Variants in PIK3C2A observed in about 807,000 individuals in gnomAD.
PIK3C2A encodes the protein phosphatidylinositol 4-phosphate 3-kinase C2 domain-containing subunit alpha.
PIK3C2A carries 97 observed loss-of-function variants against 204.5 expected under a neutral mutation model. That is an observed-to-expected ratio of 0.47 (90% CI 0.40 to 0.56). The LOEUF is 0.56. Among genes scored for constraint, PIK3C2A ranks in the 20% least tolerant of loss-of-function variants. The pLI is 0.00. For synonymous variants in PIK3C2A, 653 were observed against 664.4 expected, an observed-to-expected ratio of 0.98 and a Z score of 0.26; for missense variants, 1,735 against 1,969.2, an observed-to-expected ratio of 0.88 and a Z score of 2.25.
Position 17,086,588 on chromosome 11 carries a change from A to G in PIK3C2A, c.*3150T>C, listed in dbSNP as rs1400329588. ...ATAGCAGAGTTCTTTTATTCCAGAA[A>G]TATTTTAATACAATCGTAGTACAGT... On this transcript the variant is annotated 3_prime_UTR_variant, in exon 33 of 33. Coordinates refer to ENST00000691414, the MANE Select transcript of PIK3C2A (RefSeq NM_002645.4). 1 of 152,210 alleles carries G rather than the reference A, an allele frequency of 6.6e-6. No homozygotes were observed. The highest frequency in any genetic ancestry group is 1.5e-5 in the Non-Finnish European group (1 of 68,042). The allele number at this position is 152,210 out of a possible 1,614,324, so 9.4% of individuals were successfully genotyped here. A position where few individuals can be genotyped will look rare whatever the true frequency, so the allele number is the denominator to read the frequency against.
At chr11:17,107,320 A>T (rs1848858092) in intron 22 of PIK3C2A, among the ~76,000 whole-genome samples, 1 of 151,744 alleles carries the variant, frequency 6.6e-6, no homozygotes, top group Admixed American at 6.6e-5. Flanking sequence ...CTCAAAAAAT[A>T]AAAAAAAATA....
At position 17,101,406 on chromosome 11, in the gene PIK3C2A, C is replaced by T. The variant is rs1303833572; in HGVS notation, c.3880G>A (p.Asp1294Asn). Residue 1294 changes from aspartate to asparagine, a missense_variant, in exon 25 of 33, where the codon GAT becomes AAT. Transcript: ENST00000691414. ...CCCCCATTAATGACATATGCCATAT[C>T]AGAGGTCAGCACAAAAGGAGCCCGA... ...RDRAPFVLTSDMAYVINGGEK... is the reference protein window; with the variant it reads ...RDRAPFVLTSNMAYVINGGEK... 1.9e-6 allele frequency: 3 copies of T among 1,570,198 alleles called. No individual in the cohort carries two copies. The Admixed American group carries it at 5.2e-5, about 27-fold the overall frequency.
intron 8 of PIK3C2A, among the ~76,000 whole-genome samples, chr11:17,137,148 T>C (rs777877976): frequency 6.6e-6 from 1 of 152,172 alleles, no homozygotes. Context: ...ACTGTTAGAA[T>C]GGGCTGAAAC....
At chr11:17,100,464 C>T (rs952427981) in intron 25 of PIK3C2A, among the ~76,000 whole-genome samples, 5 of 152,104 alleles carry the variant, frequency 3.3e-5, no homozygotes, top group Non-Finnish European at 7.4e-5. Context: ...TCAAGCAATC[C>T]GCCTGCCTTA....
At position 17,106,820 on chromosome 11, in the gene PIK3C2A, T is replaced by C. The variant is rs555873916; in HGVS notation, c.3545-1515A>G. On this transcript the variant is annotated intron_variant, in intron 22 of 32. Transcript: ENST00000691414. Reference sequence around the variant, plus strand: ...ACATATAAGACACACACTGTCCCACTTCAGCACAAAAAAATTTCTTTAATC... The same window carrying C: ...ACATATAAGACACACACTGTCCCACCTCAGCACAAAAAAATTTCTTTAATC... Among the ~76,000 whole-genome samples, 127 of 152,286 alleles carry C rather than the reference T, an allele frequency of 8.3e-4. 1 individual carries two copies. Among genetic ancestry groups the C allele is most frequent in the African/African-American group, 3.0e-3 (124 of 41,574 alleles).
chr11:17,122,646 C>A, intron 14 of PIK3C2A, 56 bp downstream of exon 14: 2 of 820,358 alleles, frequency 2.4e-6, no homozygotes, highest in Admixed American at 2.2e-5. Context: ...TACACACACA[C>A]ATTTTATGAA....
intron 16 of PIK3C2A, 63 bp from the exon 17 acceptor site, chr11:17,119,376 T>C: frequency 1.1e-6 from 1 of 935,378 alleles, no homozygotes; most frequent in Non-Finnish European, 1.8e-6. Flanking sequence ...CTGTATTTTT[T>C]GAAAACACAA....
At chr11:17,153,483 T>C (rs973255047) in intron 3 of PIK3C2A, among the ~76,000 whole-genome samples, 6 of 149,422 alleles carry the variant, frequency 4.0e-5, no homozygotes, top group Middle Eastern at 3.3e-3. Context: ...CTAGTAGATA[T>C]AGCAAGCTTT....
rs772622006 is a variant in PIK3C2A at position 17,092,055 on chromosome 11, C to A, written c.4583G>T (p.Cys1528Phe). ...ACGAAGTAAAGGGTGGAAGAAAGTA[C>A]AAACAAGATCACACTAAGAATAAAG... ...STDVAECDLV[C>F]TFFHPLLRDE... is the part of the protein sequence containing the mutation. Residue 1528 changes from cysteine (C) to phenylalanine (F), a missense_variant, in exon 30 of 33, where the codon TGT becomes TTT. Cys to Phe is a radical substitution (Grantham distance 205). Transcript: ENST00000691414. 1 of 1,607,508 alleles carries A rather than the reference C, an allele frequency of 6.2e-7. No homozygotes were observed. The highest frequency in any genetic ancestry group is 8.5e-7 in the Non-Finnish European group (1 of 1,174,090).
chr11:17,115,107 T>G (rs1465678201), intron 19 of PIK3C2A, among the ~76,000 whole-genome samples: 2 of 152,136 alleles, frequency 1.3e-5, no homozygotes, highest in Admixed American at 1.3e-4. Context: ...TTTGCAGCAA[T>G]GGATACACGG....
intron 9 of PIK3C2A, 70 bp from the exon 10 acceptor site, chr11:17,135,229 T>C (rs1565265682): frequency 1.3e-6 from 2 of 1,486,992 alleles, no homozygotes; most frequent in South Asian, 1.2e-5. Flanking sequence ...TCAAATACTA[T>C]GTCCAAGAAA....
intron 19 of PIK3C2A, among the ~76,000 whole-genome samples, chr11:17,116,383 G>A (rs566044710): frequency 1.3e-5 from 2 of 151,950 alleles, no homozygotes; most frequent in South Asian, 4.2e-4. Context: ...TCAAAAAACA[G>A]GAAAAAAAAC....
chr11:17,089,935 A>T lies in PIK3C2A; in HGVS notation c.4879-15T>A. On this transcript the variant is annotated splice_polypyrimidine_tract_variant and intron_variant, in intron 32 of 32. Coordinates refer to ENST00000691414, the MANE Select transcript of PIK3C2A (RefSeq NM_002645.4). ...CTGTATACAAGCTACAACAAAGGAA[A>T]AAAGAACAGTAAATCACAAATTAAA... is the stretch of plus-strand genomic sequence containing the variant. 5 of 1,519,688 alleles carry T rather than the reference A, an allele frequency of 3.3e-6. No homozygotes were observed. The highest frequency in any genetic ancestry group is 3.6e-6 in the Non-Finnish European group (4 of 1,124,308). The allele number at this position is 1,519,688 out of a possible 1,614,324, so 94.1% of individuals were successfully genotyped here.
chr11:17,121,894 T>C (rs1379672786), intron 15 of PIK3C2A, among the ~76,000 whole-genome samples: 1 of 152,012 alleles, frequency 6.6e-6, no homozygotes, highest in African/African-American at 2.4e-5. Context: ...TTCCAGTCTA[T>C]TGTTTGCCTT....
chr11:17,171,052 G>A (rs1016478965), intron 1 of PIK3C2A, among the ~76,000 whole-genome samples: 28 of 152,084 alleles, frequency 1.8e-4, no homozygotes, highest in African/African-American at 6.8e-4. Flanking sequence ...GCAGTGAGCC[G>A]AGATCACGTC....
intron 27 of PIK3C2A, among the ~76,000 whole-genome samples, chr11:17,096,853 A>C (rs1848470270): frequency 6.6e-6 from 1 of 152,244 alleles, no homozygotes; most frequent in Non-Finnish European, 1.5e-5. Flanking sequence ...CTCGGTCCTT[A>C]TTGTTTGAAG....
chr11:17,131,771 T>C, intron 12 of PIK3C2A, 145 bp downstream of exon 12: 2 of 713,406 alleles, frequency 2.8e-6, no homozygotes, highest in Non-Finnish European at 4.8e-6. Context: ...TAAAATCATA[T>C]CTAGAAGAGA....
intron 2 of PIK3C2A, 24 bp downstream of exon 2, chr11:17,168,653 G>A (rs1851053114): frequency 3.7e-6 from 5 of 1,362,900 alleles, no homozygotes; most frequent in African/African-American, 1.5e-5. Context: ...CTAAGTTTGA[G>A]AAGTTAGTAA....
chr11:17,191,602 C>T (rs1355164504), intron 1 of PIK3C2A, among the ~76,000 whole-genome samples: 1 of 152,124 alleles, frequency 6.6e-6, no homozygotes, highest in African/African-American at 2.4e-5. Context: ...AATCTGTATC[C>T]TTTCCTTGAA....
Sources: gnomAD v4.1 joint callset for allele counts (sites outside exome capture counted in the v4.1 genomes callset) on GRCh38, gnomAD v4.1.1 for gene constraint, MANE v1.5 for transcripts, NCBI Gene and HGNC (gene_info 2026-07-23, HGNC 2026-07-21) for gene names.